RBM5: variants seen among roughly 807,000 people sequenced by gnomAD.
RBM5 encodes the protein RNA-binding protein 5.
Under a neutral mutation model 124.6 loss-of-function variants are expected in RBM5, and 15 were observed. The ratio of observed to expected loss-of-function variants is 0.12; its 90% CI spans 0.08 to 0.19. RBM5 has a LOEUF of 0.19. Ranked by LOEUF, RBM5 falls within the 10% of genes least tolerant of loss-of-function variation. RBM5 has a pLI of 1.00. For missense variants in RBM5, 580 were observed against 1,026.5 expected, an observed-to-expected ratio of 0.57 and a Z score of 5.94; for synonymous variants, 337 against 361.2, an observed-to-expected ratio of 0.93 and a Z score of 0.76.
chr3:50,118,249 C>A (rs1381437837), intron 24 of RBM5, 82 bp from the exon 25 acceptor site: 29 of 1,576,000 alleles, frequency 1.8e-5, no homozygotes, highest in Non-Finnish European at 1.1e-5. Context: ...GTGGGTGGTC[C>A]TGCTGGGTAA....
At chr3:50,101,059 T>G in intron 6 of RBM5, 1 of 153,600 alleles carries the variant, frequency 6.5e-6, no homozygotes, top group Non-Finnish European at 1.5e-5. Flanking sequence ...CAGACCGGTC[T>G]TCAGGGAATA....
At chr3:50,106,693 C>A in intron 10 of RBM5, 74 bp from the exon 11 acceptor site, 7 of 1,080,042 alleles carry the variant, frequency 6.5e-6, no homozygotes, top group Non-Finnish European at 9.8e-6. Flanking sequence ...AAAACTACTT[C>A]TTTGAATGGG....
chr3:50,101,430 A>G lies in RBM5; in HGVS notation c.483+825A>G, dbSNP rs1459152362. 2.0e-5 allele frequency: 3 copies of G among 152,234 alleles called. 1 individual carries two copies. The highest frequency in any genetic ancestry group is 7.2e-5 in the African/African-American group (3 of 41,468). 9.4% of individuals were successfully genotyped at this position (152,234 alleles called of 1,614,324 possible). ...AGTCATCCATGAATCCATGAATAAA[A>G]GTTACATTCTTTGATTGGTAATATT... On this transcript the variant is annotated intron_variant, in intron 6 of 24. Transcript: ENST00000347869.
At chr3:50,118,304 C>T (rs2091295320) in intron 24 of RBM5, 27 bp from the exon 25 acceptor site, 1 of 1,613,556 alleles carries the variant, frequency 6.2e-7, no homozygotes, top group Non-Finnish European at 8.5e-7. Context: ...CCCTACCTCC[C>T]AGCTGACAGT....
chr3:50,106,257 C>T (rs918748608), intron 10 of RBM5, among the ~76,000 whole-genome samples: 4 of 151,184 alleles, frequency 2.6e-5, no homozygotes, highest in Non-Finnish European at 5.9e-5. Flanking sequence ...TCTCCCGCCT[C>T]AGCCTCCTGA....
rs542775455 is a variant in RBM5 at position 50,105,818 on chromosome 3, G to A, written c.855+109G>A. On this transcript the variant is annotated intron_variant, in intron 10 of 24. Transcript: ENST00000347869. ...AGGCTCCTAAAGCCCAAGATGCAAG[G>A]CTCCCTAATGACAGTTTTTGCACTG... is the stretch of plus-strand genomic sequence containing the variant. The A allele has an allele frequency of 2.9e-5, 35 of 1,201,518 alleles. No homozygotes were observed. In the African/African-American group the frequency reaches 4.9e-4, roughly 17 times the overall value. The allele number at this position is 1,201,518 out of a possible 1,614,324, so 74.4% of individuals were successfully genotyped here. A position where few individuals can be genotyped will look rare whatever the true frequency, so the allele number is the denominator to read the frequency against.
In RBM5 at chr3:50,100,161, A is replaced by C; in HGVS notation, c.409+110A>C. The C allele has an allele frequency of 9.9e-7, 1 of 1,005,316 alleles. No individual in the cohort carries two copies. The highest frequency in any genetic ancestry group is 1.6e-5 in the South Asian group (1 of 62,014). 62.3% of individuals were successfully genotyped at this position (1,005,316 alleles called of 1,614,324 possible). A position where few individuals can be genotyped will look rare whatever the true frequency, so the allele number is the denominator to read the frequency against. ...CTTCAAGCACATGAATTCAGAATGAAAGGTTTGCCATGGCTAAGGAATGTG... is the reference window on the plus strand; with the variant it reads ...CTTCAAGCACATGAATTCAGAATGACAGGTTTGCCATGGCTAAGGAATGTG... On this transcript the variant is annotated intron_variant, in intron 5 of 24. Transcript: ENST00000347869. This position sits in a 1 kb window ranked among gnomAD's most constrained non-coding sequence, Gnocchi z 5.1.
chr3:50,098,198 C>T (rs1288854388), intron 4 of RBM5, among the ~76,000 whole-genome samples: 1 of 152,150 alleles, frequency 6.6e-6, no homozygotes, highest in Non-Finnish European at 1.5e-5. Flanking sequence ...GAAGGCTATT[C>T]TTGATTAGGC....
At position 50,105,617 on chromosome 3, in the gene RBM5, G is replaced by T. The variant is rs761272730; in HGVS notation, c.763G>T (p.Ala255Ser). The T allele has an allele frequency of 2.2e-5, 36 of 1,614,024 alleles. No individual in the cohort carries two copies. Among genetic ancestry groups the T allele is most frequent in the Non-Finnish European group, 3.4e-6 (4 of 1,180,020 alleles). ...DSIMTALSPY[A>S]SLAVNNIRLI... ...CATCATGACAGCACTGTCTCCTTAC[G>T]CGTCTTTAGCTGTCAATAACATCCG... Residue 255 changes from alanine (A) to serine (S), a missense_variant, in exon 10 of 25, where the codon GCG (alanine) becomes TCG (serine). Coordinates refer to ENST00000347869, the MANE Select transcript of RBM5 (RefSeq NM_005778.4).
At chr3:50,112,587 T>C (rs1442645106) in intron 17 of RBM5, 1 of 152,484 alleles carries the variant, frequency 6.6e-6, no homozygotes, top group East Asian at 1.9e-4. Context: ...CTGCTGAGCT[T>C]GGGTCCCTTC....
In RBM5 at chr3:50,115,991, A is replaced by G. The variant is rs779714090; in HGVS notation, c.2094+11A>G. 1.0e-5 allele frequency: 16 copies of G among 1,604,830 alleles called. No individual in the cohort carries two copies. The highest frequency in any genetic ancestry group is 1.2e-5 in the Non-Finnish European group (14 of 1,171,718). On this transcript the variant is annotated intron_variant, in intron 22 of 24. Coordinates refer to ENST00000347869, the MANE Select transcript of RBM5 (RefSeq NM_005778.4). ...CTAAGGGAGAGAGAGGTGAATGGGA[A>G]ACTGTGCCACAAGGAAGAGGATATT... is the stretch of plus-strand genomic sequence containing the variant.
chr3:50,096,280 G>A (rs2090812726), intron 4 of RBM5, among the ~76,000 whole-genome samples: 1 of 150,334 alleles, frequency 6.7e-6, no homozygotes, highest in South Asian at 2.1e-4. Context: ...CTTGAGCCCA[G>A]GAGTTCAAGT....
intron 22 of RBM5, 156 bp from the exon 23 acceptor site, chr3:50,116,918 A>G: frequency 1.5e-6 from 1 of 655,064 alleles, no homozygotes; most frequent in Non-Finnish European, 2.6e-6. Context: ...ACTAGGTATG[A>G]TGATGGGAAC....
At position 50,110,763 on chromosome 3, in the gene RBM5, A is replaced by G. The variant is rs750623032; in HGVS notation, c.1448A>G (p.Asn483Ser). The change falls in exon 17 of 25, where the codon AAC becomes AGC. Residue 483 changes from asparagine to serine, a missense_variant. Asn to Ser is a conservative substitution (Grantham distance 46). Coordinates refer to ENST00000347869, the MANE Select transcript of RBM5 (RefSeq NM_005778.4). ...DPTTGLYYDP[N>S]SQYYYNSLTQ... The stretch of plus-strand genomic sequence containing the variant: ...ACAACAGGGCTCTATTATGACCCCA[A>G]CTCGCAAGTAAATGTGCTGCTTTCC... 1.9e-6 allele frequency: 3 copies of G among 1,606,134 alleles called. No individual in the cohort carries two copies. The highest frequency in any genetic ancestry group is 2.7e-5 in the African/African-American group (2 of 74,762).
intron 4 of RBM5, chr3:50,094,307 C>T: frequency 6.5e-6 from 1 of 152,858 alleles, no homozygotes; most frequent in East Asian, 1.9e-4. Flanking sequence ...CAGGCGCCCG[C>T]CACCGCACCC....
intron 4 of RBM5, 89 bp from the exon 5 acceptor site, chr3:50,099,893 G>A (rs2090905543): frequency 8.4e-7 from 1 of 1,186,666 alleles, no homozygotes; most frequent in Non-Finnish European, 1.2e-6. Flanking sequence ...AAAAAACTTG[G>A]CTAATTAAAC....
chr3:50,105,352 A>G (rs1559687404), intron 9 of RBM5, among the ~76,000 whole-genome samples, 197 bp from the exon 10 acceptor site: 1 of 151,870 alleles, frequency 6.6e-6, no homozygotes, highest in South Asian at 2.1e-4. Flanking sequence ...CTGTTCTCCT[A>G]CCCTTTTGTA....
intron 4 of RBM5, among the ~76,000 whole-genome samples, chr3:50,097,606 C>A (rs1268430078): frequency 1.3e-5 from 2 of 151,588 alleles, no homozygotes; most frequent in African/African-American, 4.9e-5. Flanking sequence ...AGTATTCATG[C>A]CTGATATTAT....
chr3:50,104,342 TA>T, intron 8 of RBM5, 34 bp downstream of exon 8: 1 of 1,593,992 alleles, frequency 6.3e-7, no homozygotes, highest in Non-Finnish European at 8.6e-7. Flanking sequence ...CAATATGCAT[TA>T]AAACCTACTA....
Sources: allele counts gnomAD v4.1 joint callset (sites outside exome capture counted in the v4.1 genomes callset), GRCh38; gene constraint gnomAD v4.1.1; non-coding constraint Gnocchi (gnomAD v3.1); transcripts MANE v1.5; gene names NCBI Gene and HGNC (gene_info 2026-07-23, HGNC 2026-07-21).